LOC400499: variants seen among roughly 807,000 people sequenced by gnomAD.
At chr16:11,397,084 T>C in the LOC400499 span, among the ~76,000 whole-genome samples, 1 of 152,156 alleles carries the variant, frequency 6.6e-6, no homozygotes, top group African/African-American at 2.4e-5. Context: ...GTTTGTTGTA[T>C]CGTCCTGGCC....
At chr16:11,391,533 C>CAG in the LOC400499 span, 1 of 718,894 alleles carries the variant, frequency 1.4e-6, no homozygotes, top group East Asian at 3.4e-5. Context: ...AGCTGGGCTA[C>CAG]AGGCCCATGG....
chr16:11,381,806 C>T, the LOC400499 span, among the ~76,000 whole-genome samples: 1 of 152,194 alleles, frequency 6.6e-6, no homozygotes, highest in South Asian at 2.1e-4. Flanking sequence ...TCCTTCTTTC[C>T]ACCCTCTTCC....
chr16:11,509,484 C>G, the LOC400499 span, among the ~76,000 whole-genome samples: 71 of 151,914 alleles, frequency 4.7e-4, 1 homozygote, highest in Non-Finnish European at 2.9e-5. Flanking sequence ...GATCTCCAAG[C>G]CATCGAGTGA....
At chr16:11,443,355 A>G in the LOC400499 span, 15 of 343,748 alleles carry the variant, frequency 4.4e-5, no homozygotes, top group East Asian at 4.5e-4. Context: ...AAAAAAAAAA[A>G]AAATGATCGG....
At chr16:11,451,285 T>G in the LOC400499 span, among the ~76,000 whole-genome samples, 1 of 152,148 alleles carries the variant, frequency 6.6e-6, no homozygotes, top group Non-Finnish European at 1.5e-5. Flanking sequence ...TTTTTCATAA[T>G]AAAACATTGG....
chr16:11,517,593 C>T, the LOC400499 span, among the ~76,000 whole-genome samples: 1 of 152,160 alleles, frequency 6.6e-6, no homozygotes, highest in Non-Finnish European at 1.5e-5. Context: ...AAACCCCGAA[C>T]TGGAAGTGAC....
At chr16:11,519,826 C>G in the LOC400499 span, among the ~76,000 whole-genome samples, 1 of 151,990 alleles carries the variant, frequency 6.6e-6, no homozygotes, top group Non-Finnish European at 1.5e-5. Context: ...CTGCCTCAGC[C>G]TCCTGAGTAG....
At chr16:11,474,555 A>C in the LOC400499 span, among the ~76,000 whole-genome samples, 2 of 152,128 alleles carry the variant, frequency 1.3e-5, no homozygotes, top group Admixed American at 6.5e-5. Context: ...TCATTGACTG[A>C]AGTGGTTGGT....
the LOC400499 span, among the ~76,000 whole-genome samples, chr16:11,394,798 G>T: frequency 1.3e-5 from 2 of 152,208 alleles, no homozygotes; most frequent in Admixed American, 6.5e-5. Context: ...ACCACCAGAA[G>T]CTGGAGGTGC....
chr16:11,514,349 C>A, the LOC400499 span: 1 of 399,232 alleles, frequency 2.5e-6, no homozygotes. Context: ...CCAGGGAAGG[C>A]TGAGGTCACC....
the LOC400499 span, among the ~76,000 whole-genome samples, chr16:11,434,561 G>A: frequency 6.6e-6 from 1 of 152,142 alleles, no homozygotes; most frequent in Non-Finnish European, 1.5e-5. Flanking sequence ...ACTGCTTGAT[G>A]GGGAAAAAGA....
the LOC400499 span, among the ~76,000 whole-genome samples, chr16:11,466,126 T>TA: frequency 1.3e-5 from 2 of 152,144 alleles, no homozygotes; most frequent in African/African-American, 4.8e-5. Context: ...AGGAGGCACT[T>TA]ATTTTCTTTA....
the LOC400499 span, chr16:11,476,823 G>A: frequency 5.0e-6 from 2 of 399,334 alleles, no homozygotes; most frequent in Non-Finnish European, 8.8e-6. Context: ...TAAGGACCCG[G>A]CCCTTCTGCA....
chr16:11,507,396 C>T, the LOC400499 span, among the ~76,000 whole-genome samples: 24 of 152,254 alleles, frequency 1.6e-4, no homozygotes, highest in South Asian at 2.1e-4. Context: ...ACCCAGCCCT[C>T]GGTGTCCACA....
chr16:11,508,992 C>T, the LOC400499 span: 7 of 396,440 alleles, frequency 1.8e-5, no homozygotes, highest in Non-Finnish European at 2.7e-5. Flanking sequence ...GGGGTGTCTA[C>T]GAGGGAAATC....
the LOC400499 span, among the ~76,000 whole-genome samples, chr16:11,428,394 G>A: frequency 2.0e-5 from 3 of 152,190 alleles, no homozygotes; most frequent in Admixed American, 1.3e-4. Context: ...GGCTAGTCTC[G>A]AACTCCTGAC....
the LOC400499 span, chr16:11,390,347 T>C: frequency 4.1e-6 from 5 of 1,233,854 alleles, no homozygotes; most frequent in Non-Finnish European, 5.1e-6. Flanking sequence ...TTGCCTGGCA[T>C]CCCGGGCACC....
chr16:11,487,320 C>T, the LOC400499 span: 7 of 399,090 alleles, frequency 1.8e-5, no homozygotes, highest in East Asian at 3.6e-5. Context: ...TGTGGCAGAA[C>T]GGGGAAGAAA....
At chr16:11,407,388 C>G in the LOC400499 span, 6 of 397,864 alleles carry the variant, frequency 1.5e-5, no homozygotes, top group Non-Finnish European at 2.7e-5. Flanking sequence ...AGCTCCTCAT[C>G]AGGGCTCTGA....
Sources: gnomAD v4.1 joint callset for allele counts (sites outside exome capture counted in the v4.1 genomes callset) on GRCh38, gnomAD v4.1.1 for gene constraint, MANE v1.5 for transcripts.